Variants in STXBP6 observed in about 807,000 individuals in gnomAD.
STXBP6 encodes syntaxin-binding protein 6.
A neutral mutation model predicts 26.9 loss-of-function variants in STXBP6; 21 were observed. The observed-to-expected ratio is 0.78, with a 90% confidence interval of 0.55 to 1.12. The LOEUF (loss-of-function observed/expected upper bound fraction) is 1.12. Ranked by LOEUF, STXBP6 falls within the 50% of genes most tolerant of loss-of-function variation. STXBP6 has a pLI of 0.00. For missense variants in STXBP6, 232 were observed against 257.9 expected (o/e 0.90, Z 0.69); for synonymous variants, 97 against 92.6 (o/e 1.05, Z -0.27).
At chr14:25,021,776 C>T (rs1286904019) in intron 1 of STXBP6, among the ~76,000 whole-genome samples, 1 of 152,200 alleles carries the variant, frequency 6.6e-6, no homozygotes, top group African/African-American at 2.4e-5. Context: ...ACCTAGGCCC[C>T]CTTTCTCTTT....
chr14:24,861,506 T>C (rs2069536059), intron 2 of STXBP6, among the ~76,000 whole-genome samples: 1 of 152,182 alleles, frequency 6.6e-6, no homozygotes, highest in African/African-American at 2.4e-5. Context: ...GCTAGTTTCC[T>C]TACTGTTCTT....
chr14:24,853,813 C>T (rs549029748), intron 4 of STXBP6, among the ~76,000 whole-genome samples: 1 of 152,048 alleles, frequency 6.6e-6, no homozygotes, highest in African/African-American at 2.4e-5. Flanking sequence ...CTCAACTCTG[C>T]ATAATTTGGG....
chr14:24,819,573 TGA>T, intron 4 of STXBP6: 1 of 483,634 alleles, frequency 2.1e-6, no homozygotes, highest in Non-Finnish European at 3.6e-6. Flanking sequence ...GCAAGTTCAA[TGA>T]GACATATCTG....
intron 1 of STXBP6, chr14:24,987,783 C>G: frequency 1.0e-6 from 1 of 954,408 alleles, no homozygotes; most frequent in South Asian, 4.8e-5. Flanking sequence ...GTGTTGTTAC[C>G]CAAGGGAGAT....
intron 2 of STXBP6, among the ~76,000 whole-genome samples, chr14:24,876,715 TAAGTCAAGAGCCTAA>T (rs2070158420): frequency 6.6e-6 from 1 of 152,210 alleles, no homozygotes; most frequent in Non-Finnish European, 1.5e-5. Context: ...TTTTAAAATG[TAAGTCAAGAGCCTAA>T]AATTGGTAAT....
chr14:24,968,605 T>C (rs1298531296), intron 2 of STXBP6, among the ~76,000 whole-genome samples: 2 of 152,156 alleles, frequency 1.3e-5, no homozygotes, highest in Admixed American at 6.5e-5. Context: ...ACTACCTGGA[T>C]TCTTCTCTAC....
chr14:24,846,631 T>C lies in STXBP6; in HGVS notation c.451+9305A>G, dbSNP rs997903181. The stretch of plus-strand genomic sequence containing the variant: ...GGATAATTTTTTAGTATAAATATGC[T>C]GCAAGTAACATGTCCTGCATTTTTA... On this transcript the variant is annotated intron_variant, in intron 4 of 5. Coordinates refer to ENST00000323944, the MANE Select transcript of STXBP6 (RefSeq NM_001394410.1). Among the ~76,000 whole-genome samples the C allele has an allele frequency of 5.3e-5, 8 of 152,318 alleles. 2 individuals carry two copies. Among genetic ancestry groups the C allele is most frequent in the Admixed American group, 3.9e-4 (6 of 15,304 alleles).
chr14:24,882,357 C>A (rs547337166), intron 2 of STXBP6, among the ~76,000 whole-genome samples: 1 of 106,112 alleles, frequency 9.4e-6, no homozygotes, highest in Admixed American at 1.3e-4. Context: ...CCAGCCTGGG[C>A]GACAGAGCGA....
intron 4 of STXBP6, among the ~76,000 whole-genome samples, chr14:24,843,760 AG>A (rs2068855944): frequency 6.6e-6 from 1 of 152,184 alleles, no homozygotes; most frequent in Non-Finnish European, 1.5e-5. Flanking sequence ...ACATCCTACC[AG>A]GAAGACAAGA....
intron 1 of STXBP6, among the ~76,000 whole-genome samples, chr14:25,044,949 G>A (rs1458702807): frequency 6.6e-6 from 1 of 152,114 alleles, no homozygotes; most frequent in African/African-American, 2.4e-5. Context: ...CAGCTCCTTC[G>A]TGGAGACTTT....
chr14:24,898,540 G>T lies in STXBP6; in HGVS notation c.155-41383C>A, dbSNP rs377341881. Among the ~76,000 whole-genome samples, 12 of 152,254 alleles carry T rather than the reference G, an allele frequency of 7.9e-5. No individual in the cohort carries two copies. In the East Asian group the frequency reaches 1.7e-3, roughly 22 times the overall value. ...AAAAATACAAAAACTAGCTGGGCGT[G>T]GTGGCATGCGCCTATAGTCCCAGCT... On this transcript the variant is annotated intron_variant, in intron 2 of 5. Transcript: ENST00000323944.
intron 2 of STXBP6, among the ~76,000 whole-genome samples, chr14:24,862,199 T>C (rs142709013): frequency 2.9e-3 from 445 of 152,226 alleles, no homozygotes; most frequent in African/African-American, 0.01. Flanking sequence ...TGGGGGTCTA[T>C]GTTATCCAGG....
chr14:24,986,964 A>C (rs1235797470), intron 1 of STXBP6, among the ~76,000 whole-genome samples: 1 of 152,214 alleles, frequency 6.6e-6, no homozygotes, highest in Non-Finnish European at 1.5e-5. Flanking sequence ...GCTCTGCTCT[A>C]TTCAATCAAT....
chr14:24,841,106 G>A (rs1259244795), intron 4 of STXBP6, among the ~76,000 whole-genome samples: 1 of 152,170 alleles, frequency 6.6e-6, no homozygotes, highest in East Asian at 1.9e-4. Flanking sequence ...TGTGCTTCAT[G>A]TTGAAGCACA....
At chr14:24,931,778 C>T (rs940115614) in intron 2 of STXBP6, among the ~76,000 whole-genome samples, 5 of 152,078 alleles carry the variant, frequency 3.3e-5, no homozygotes, top group East Asian at 1.9e-4. Context: ...GGAGAAGGAG[C>T]GGCTACTTAG....
At chr14:24,965,791 G>A (rs753945897) in intron 2 of STXBP6, among the ~76,000 whole-genome samples, 22 of 152,162 alleles carry the variant, frequency 1.4e-4, no homozygotes, top group Non-Finnish European at 3.2e-4. Context: ...GGGAGCAACA[G>A]GTGCCTCTGA....
chr14:25,016,930 G>A (rs2075161606), intron 1 of STXBP6, among the ~76,000 whole-genome samples: 1 of 152,152 alleles, frequency 6.6e-6, no homozygotes, highest in African/African-American at 2.4e-5. Flanking sequence ...GGCAGATAGA[G>A]GAAATAGGAG....
At chr14:24,866,425 A>T (rs956656877) in intron 2 of STXBP6, among the ~76,000 whole-genome samples, 1 of 152,072 alleles carries the variant, frequency 6.6e-6, no homozygotes, top group Non-Finnish European at 1.5e-5. Context: ...GCATGCATGT[A>T]TATGTGTATA....
At chr14:25,017,875 T>C (rs1360934044) in intron 1 of STXBP6, among the ~76,000 whole-genome samples, 1 of 152,134 alleles carries the variant, frequency 6.6e-6, no homozygotes, top group Admixed American at 6.5e-5. Flanking sequence ...GCCTCACCCG[T>C]TGAGTGTGAA....
Sources: gnomAD v4.1 joint callset for allele counts (sites outside exome capture counted in the v4.1 genomes callset) on GRCh38, gnomAD v4.1.1 for gene constraint, MANE v1.5 for transcripts, NCBI Gene and HGNC (gene_info 2026-07-23, HGNC 2026-07-21) for gene names.